Variants in CHCHD6 observed in about 807,000 individuals in gnomAD.
CHCHD6 encodes the protein MICOS complex subunit MIC25.
Under a neutral mutation model 32.3 loss-of-function variants are expected in CHCHD6, and 28 were observed. The observed-to-expected ratio is 0.87, with a 90% CI of 0.64 to 1.19. The LOEUF (loss-of-function observed/expected upper bound fraction) is 1.19. CHCHD6 is among the 50% of genes most tolerant of loss of function. The pLI is 0.00. For synonymous variants in CHCHD6, 122 were observed against 117.5 expected, an observed-to-expected ratio of 1.04 and a Z score of -0.25; for missense variants, 333 against 307.0, an observed-to-expected ratio of 1.08 and a Z score of -0.63.
At chr3:126,706,216 G>A (rs2107647830) in intron 1 of CHCHD6, among the ~76,000 whole-genome samples, 1 of 152,236 alleles carries the variant, frequency 6.6e-6, no homozygotes, top group Non-Finnish European at 1.5e-5. Flanking sequence ...AAGTTGATTG[G>A]AAACCTCATG....
At chr3:126,927,454 G>T (rs930384944) in intron 6 of CHCHD6, among the ~76,000 whole-genome samples, 1 of 152,220 alleles carries the variant, frequency 6.6e-6, no homozygotes, top group African/African-American at 2.4e-5. Flanking sequence ...AGCTCTGAAA[G>T]TGGCAGCTGC....
At position 126,815,650 on chromosome 3, in the gene CHCHD6, C is replaced by T. The variant is rs1009508645; in HGVS notation, c.412-36997C>T. 3.9e-3 allele frequency among the ~76,000 whole-genome samples: 589 copies of T among 150,458 alleles called. 4 individuals carry two copies. In the Middle Eastern group the frequency reaches 0.041, roughly 10 times the overall value. ...TTGCTCCTGTGGGTTCTTGCCCCCC[C>T]CCCCCCATCTGTGTCCACAGCCCTT... is the stretch of plus-strand genomic sequence containing the variant. On this transcript the variant is annotated intron_variant, in intron 4 of 7. Coordinates refer to ENST00000290913, the MANE Select transcript of CHCHD6 (RefSeq NM_032343.3).
intron 4 of CHCHD6, among the ~76,000 whole-genome samples, chr3:126,834,453 G>A (rs1050214382): frequency 6.6e-6 from 1 of 152,120 alleles, no homozygotes; most frequent in African/African-American, 2.4e-5. Context: ...GGAATTAATT[G>A]GAAAGTTGTT....
intron 1 of CHCHD6, among the ~76,000 whole-genome samples, chr3:126,715,962 C>T (rs1041570648): frequency 2.6e-5 from 4 of 152,178 alleles, no homozygotes; most frequent in East Asian, 1.9e-4. Context: ...ACTTCCTTGG[C>T]GTCTTTTGTA....
chr3:126,786,145 A>C (rs1938198127), intron 4 of CHCHD6, among the ~76,000 whole-genome samples: 1 of 152,194 alleles, frequency 6.6e-6, no homozygotes. Context: ...TGTCCCTATA[A>C]AGGACATGAA....
intron 7 of CHCHD6, among the ~76,000 whole-genome samples, 154 bp from the exon 8 acceptor site, chr3:126,960,042 G>A (rs2078838533): frequency 6.6e-6 from 1 of 152,298 alleles, no homozygotes; most frequent in Middle Eastern, 3.4e-3. Context: ...GGGTACAGAG[G>A]TGAAGAGACT....
chr3:126,867,162 AGCC>A (rs1291124819), intron 5 of CHCHD6, among the ~76,000 whole-genome samples: 2 of 152,214 alleles, frequency 1.3e-5, no homozygotes, highest in Non-Finnish European at 2.9e-5. Context: ...CTGCAGGAAA[AGCC>A]AAATATACAC....
chr3:126,809,301 T>C, intron 4 of CHCHD6, among the ~76,000 whole-genome samples: 1 of 152,192 alleles, frequency 6.6e-6, no homozygotes, highest in Non-Finnish European at 1.5e-5. Context: ...ACGGGACCCC[T>C]TCCGCCTCTT....
intron 5 of CHCHD6, among the ~76,000 whole-genome samples, chr3:126,855,983 A>G (rs1941653527): frequency 6.6e-6 from 1 of 151,722 alleles, no homozygotes; most frequent in African/African-American, 2.4e-5. Context: ...TTCACTTAGC[A>G]CTCTCCCTAA....
At chr3:126,882,401 T>A (rs1030045364) in intron 5 of CHCHD6, among the ~76,000 whole-genome samples, 3 of 152,198 alleles carry the variant, frequency 2.0e-5, no homozygotes, top group African/African-American at 7.2e-5. Context: ...CTGTGAAGAT[T>A]CTGGTTGTGC....
chr3:126,783,228 G>C (rs1195925436), intron 4 of CHCHD6, among the ~76,000 whole-genome samples: 2 of 152,130 alleles, frequency 1.3e-5, no homozygotes, highest in Non-Finnish European at 2.9e-5. Context: ...CATCTCAATA[G>C]CTGTAGAAAG....
chr3:126,913,566 C>T (rs994792453), intron 5 of CHCHD6, among the ~76,000 whole-genome samples: 1 of 152,142 alleles, frequency 6.6e-6, no homozygotes. Flanking sequence ...AAGCCAACTC[C>T]AGGTGACATC....
At chr3:126,795,468 G>A (rs1039541911) in intron 4 of CHCHD6, among the ~76,000 whole-genome samples, 12 of 152,144 alleles carry the variant, frequency 7.9e-5, no homozygotes, top group Non-Finnish European at 1.8e-4. Flanking sequence ...TCTGAGTTAA[G>A]AATTGGGCAT....
chr3:126,895,108 T>C (rs1472477845), intron 5 of CHCHD6, among the ~76,000 whole-genome samples: 3 of 152,252 alleles, frequency 2.0e-5, no homozygotes, highest in African/African-American at 7.2e-5. Flanking sequence ...ATAAGATATC[T>C]TGCAGTTCTT....
At chr3:126,928,990 A>G (rs1423153711) in intron 6 of CHCHD6, among the ~76,000 whole-genome samples, 1 of 152,206 alleles carries the variant, frequency 6.6e-6, no homozygotes, top group Admixed American at 6.5e-5. Context: ...CCTGGCTGTT[A>G]GAAAAGAACT....
chr3:126,842,764 T>C (rs1248792279), intron 4 of CHCHD6, among the ~76,000 whole-genome samples: 2 of 152,068 alleles, frequency 1.3e-5, no homozygotes, highest in African/African-American at 4.8e-5. Context: ...TAAGAAGACA[T>C]TTCACCACAA....
At chr3:126,725,599 C>G (rs1396323036) in intron 1 of CHCHD6, among the ~76,000 whole-genome samples, 1 of 152,188 alleles carries the variant, frequency 6.6e-6, no homozygotes, top group Non-Finnish European at 1.5e-5. Context: ...AGGTTTGAAG[C>G]CAGGCATTGA....
At chr3:126,898,657 G>A (rs1475699908) in intron 5 of CHCHD6, among the ~76,000 whole-genome samples, 3 of 152,134 alleles carry the variant, frequency 2.0e-5, no homozygotes, top group African/African-American at 7.2e-5. Context: ...ACCAGTCTTA[G>A]CCTACTGAGT....
intron 4 of CHCHD6, among the ~76,000 whole-genome samples, chr3:126,735,834 T>C (rs1936019476): frequency 6.6e-6 from 1 of 152,266 alleles, no homozygotes. Flanking sequence ...CAACTTTCCT[T>C]TGCTTAAGTA....
Sources: gnomAD v4.1 joint callset for allele counts (sites outside exome capture counted in the v4.1 genomes callset) on GRCh38, gnomAD v4.1.1 for gene constraint, MANE v1.5 for transcripts, NCBI Gene and HGNC (gene_info 2026-07-23, HGNC 2026-07-21) for gene names.